Variants in COL28A1 observed in about 807,000 individuals in gnomAD.
The protein encoded by COL28A1 is collagen alpha-1(XXVIII) chain.
COL28A1 carries 161 observed loss-of-function variants against 150.2 expected under a neutral mutation model. The observed-to-expected ratio is 1.07, with a 90% confidence interval of 0.94 to 1.22. The LOEUF is 1.22. Among genes scored for constraint, COL28A1 ranks in the 50% most tolerant of loss-of-function variants. The pLI is 0.00. For missense variants in COL28A1, 1,617 were observed against 1,388.3 expected (o/e 1.16, Z -2.62); for synonymous variants, 552 against 469.7 (o/e 1.18, Z -2.26).
intron 3 of COL28A1, among the ~76,000 whole-genome samples, chr7:7,527,739 T>C (rs1200818036): frequency 2.0e-5 from 3 of 152,202 alleles, no homozygotes; most frequent in African/African-American, 7.2e-5. Flanking sequence ...ATATATGGCA[T>C]ATATTCACAT....
intron 25 of COL28A1, among the ~76,000 whole-genome samples, chr7:7,426,375 A>T (rs922241384): frequency 6.6e-6 from 1 of 152,204 alleles, no homozygotes; most frequent in Non-Finnish European, 1.5e-5. Context: ...GGACCTCTAG[A>T]ATACCTCACT....
chr7:7,520,408 T>G lies in COL28A1; in HGVS notation c.760-293A>C, dbSNP rs115215836. Reference sequence around the variant, plus strand: ...AGTTTTGCAAACAAAATCAAACTCATGCAAAGATTTAAAAGAGTAGCTGCA... The same window carrying G: ...AGTTTTGCAAACAAAATCAAACTCAGGCAAAGATTTAAAAGAGTAGCTGCA... On this transcript the variant is annotated intron_variant, in intron 5 of 34. Transcript: ENST00000399429. Among the ~76,000 whole-genome samples the G allele has an allele frequency of 2.8e-3, 432 of 152,304 alleles. 4 individuals carry two copies. The highest frequency in any genetic ancestry group is 9.8e-3 in the African/African-American group (408 of 41,564).
At chr7:7,529,849 A>G (rs937554599) in intron 3 of COL28A1, among the ~76,000 whole-genome samples, 26 of 152,232 alleles carry the variant, frequency 1.7e-4, no homozygotes, top group African/African-American at 6.0e-4. Context: ...GTCATGGCAC[A>G]GGCAGGGCTA....
In COL28A1 at chr7:7,520,062, C is replaced by T. The variant is rs746836587; in HGVS notation, c.813G>A (p.Pro271=). ...AAAGAAAAGCTGTTTATTCATTTAC[C>T]GGGTTTCCTTTTGGTCCTCGCTCAC... ...IKGERGPKGN[P]GNAQKGEAGE... is the part of the protein sequence containing the mutation. Residue 271 remains proline (P), a splice_region_variant and synonymous_variant, in exon 6 of 35, where the codon CCG becomes CCA. Coordinates refer to ENST00000399429, the MANE Select transcript of COL28A1 (RefSeq NM_001037763.3). The T allele has an allele frequency of 9.7e-6, 13 of 1,340,190 alleles. No individual in the cohort carries two copies. Among genetic ancestry groups the T allele is most frequent in the African/African-American group, 8.6e-5 (6 of 69,692 alleles). The allele number at this position is 1,340,190 out of a possible 1,614,324, so 83.0% of individuals were successfully genotyped here.
At chr7:7,437,483 C>T in intron 21 of COL28A1, 21 bp from the exon 22 acceptor site, 1 of 1,608,252 alleles carries the variant, frequency 6.2e-7, no homozygotes, top group Non-Finnish European at 8.5e-7. Context: ...GCAAAATGCT[C>T]ACTACATTTC....
At chr7:7,521,792 T>C (rs371852434) in intron 5 of COL28A1, 113 bp downstream of exon 5, 6 of 724,132 alleles carry the variant, frequency 8.3e-6, no homozygotes, top group East Asian at 2.5e-5. Context: ...TTTCCTCCCA[T>C]TTCCAAACAA....
At chr7:7,410,820 C>T (rs1451167017) in intron 27 of COL28A1, among the ~76,000 whole-genome samples, 1 of 152,188 alleles carries the variant, frequency 6.6e-6, no homozygotes, top group Non-Finnish European at 1.5e-5. Flanking sequence ...CATGTCAATA[C>T]TTTTTAACCC....
chr7:7,520,141 T>A (rs1781638837), intron 5 of COL28A1, 26 bp from the exon 6 acceptor site: 1 of 1,044,264 alleles, frequency 9.6e-7, no homozygotes, highest in African/African-American at 1.6e-5. Flanking sequence ...AAAAATATTA[T>A]TTTAAGTAGG....
chr7:7,473,880 AGTGT>A (rs903776227), intron 15 of COL28A1, among the ~76,000 whole-genome samples: 6 of 151,116 alleles, frequency 4.0e-5, no homozygotes, highest in South Asian at 4.2e-4. Context: ...GTTTATATAT[AGTGT>A]GTGTTTGTTT....
intron 16 of COL28A1, 111 bp downstream of exon 16, chr7:7,455,933 C>A: frequency 7.1e-7 from 1 of 1,414,332 alleles, no homozygotes; most frequent in Non-Finnish European, 9.5e-7. Flanking sequence ...TACTCCACTG[C>A]AATTAACTGT....
intron 27 of COL28A1, among the ~76,000 whole-genome samples, chr7:7,385,112 TTCAAA>T (rs1421868544): frequency 2.0e-5 from 3 of 152,208 alleles, no homozygotes; most frequent in Non-Finnish European, 2.9e-5. Context: ...TCTTCTTCTG[TTCAAA>T]TCAAAAGGAA....
intron 15 of COL28A1, among the ~76,000 whole-genome samples, chr7:7,459,456 A>G (rs1479258464): frequency 6.6e-6 from 1 of 152,246 alleles, no homozygotes; most frequent in Non-Finnish European, 1.5e-5. Flanking sequence ...ATTGAAACCC[A>G]GCACTTGAGA....
intron 25 of COL28A1, among the ~76,000 whole-genome samples, chr7:7,421,566 C>G (rs1329035625): frequency 1.3e-5 from 2 of 152,232 alleles, no homozygotes. Context: ...ATCCTGTTAC[C>G]AGCTAAACAG....
chr7:7,515,126 G>A (rs1299716037), intron 8 of COL28A1, among the ~76,000 whole-genome samples: 2 of 152,168 alleles, frequency 1.3e-5, no homozygotes, highest in Non-Finnish European at 2.9e-5. Flanking sequence ...GATGATAGGT[G>A]CATGTTCTGA....
chr7:7,537,824 C>T (rs973880377), upstream of COL28A1, among the ~76,000 whole-genome samples: 1 of 147,656 alleles, frequency 6.8e-6, no homozygotes, highest in African/African-American at 2.7e-5. Context: ...GTTAGTCACA[C>T]TTTTTACTTT....
At chr7:7,424,099 T>C (rs1470516310) in intron 25 of COL28A1, among the ~76,000 whole-genome samples, 2 of 152,244 alleles carry the variant, frequency 1.3e-5, no homozygotes, top group African/African-American at 4.8e-5. Context: ...AAATAATGAC[T>C]TATAGCAATG....
At chr7:7,495,816 A>G (rs1166260439) in intron 11 of COL28A1, among the ~76,000 whole-genome samples, 1 of 152,122 alleles carries the variant, frequency 6.6e-6, no homozygotes, top group Non-Finnish European at 1.5e-5. Flanking sequence ...TATTCCCTCC[A>G]TTGCTGCAGA....
At position 7,520,078 on chromosome 7, in the gene COL28A1, C is replaced by A; in HGVS notation, c.797G>T (p.Gly266Val). The A allele has an allele frequency of 7.0e-7, 1 of 1,434,812 alleles. No individual in the cohort carries two copies. The highest frequency in any genetic ancestry group is 9.8e-7 in the Non-Finnish European group (1 of 1,017,886). The allele number at this position is 1,434,812 out of a possible 1,614,324, so 88.9% of individuals were successfully genotyped here. The change falls in exon 6 of 35, where the codon GGA becomes GTA. Residue 266 changes from glycine to valine, a missense_variant. Transcript: ENST00000399429. ...HGNPGIKGERGPKGNPGNAQK... is the reference protein window; with the variant it reads ...HGNPGIKGERVPKGNPGNAQK... Reference sequence around the variant, plus strand: ...TTCATTTACCGGGTTTCCTTTTGGTCCTCGCTCACCTTTGATACCTGGATT... The same window carrying A: ...TTCATTTACCGGGTTTCCTTTTGGTACTCGCTCACCTTTGATACCTGGATT...
chr7:7,416,649 G>A (rs1448301866), intron 27 of COL28A1, among the ~76,000 whole-genome samples: 1 of 152,158 alleles, frequency 6.6e-6, no homozygotes, highest in Non-Finnish European at 1.5e-5. Flanking sequence ...TGTACAATAT[G>A]GGCAACATGC....
Sources: gnomAD v4.1 joint callset for allele counts (sites outside exome capture counted in the v4.1 genomes callset) on GRCh38, gnomAD v4.1.1 for gene constraint, MANE v1.5 for transcripts, NCBI Gene and HGNC (gene_info 2026-07-23, HGNC 2026-07-21) for gene names.